The following FHIT variants were observed in gnomAD, a reference collection of about 807,000 sequenced individuals.
The protein encoded by FHIT is bis(5'-adenosyl)-triphosphatase.
In FHIT, 19 loss-of-function variants were observed where a neutral mutation model predicts 17.9. The observed-to-expected ratio is 1.06, with a 90% confidence interval of 0.74 to 1.56. FHIT has a LOEUF of 1.56. FHIT is among the 40% of genes most tolerant of loss of function. The pLI is 0.00. For synonymous variants in FHIT, 81 were observed against 69.7 expected (o/e 1.16, Z -0.81); for missense variants, 248 against 189.2 (o/e 1.31, Z -1.82).
chr3:60,240,554 A>C (rs764610603), intron 5 of FHIT, among the ~76,000 whole-genome samples: 1 of 152,214 alleles, frequency 6.6e-6, no homozygotes, highest in African/African-American at 2.4e-5. Context: ...AAGCACAAAT[A>C]AACTGTCTCA....
At chr3:60,842,645 A>ATATATATTTTT (rs1396703397) in intron 3 of FHIT, among the ~76,000 whole-genome samples, 1 of 94,600 alleles carries the variant, frequency 1.1e-5, no homozygotes, top group African/African-American at 4.1e-5. Flanking sequence ...ATATATATAT[A>ATATATATTTTT]TTTTTTTTTT....
At chr3:60,056,919 G>A (rs77961876) in intron 5 of FHIT, among the ~76,000 whole-genome samples, 1,605 of 152,208 alleles carry the variant, frequency 0.011, 61 homozygotes, top group East Asian at 0.072. Context: ...CAGATGGAGC[G>A]GTAATGGTCC....
intron 5 of FHIT, among the ~76,000 whole-genome samples, chr3:60,251,249 G>T (rs213394): frequency 0.31 from 46,534 of 151,998 alleles, 8,499 homozygotes; most frequent in African/African-American, 0.51. Context: ...GTATCATATA[G>T]TCCCAAAAGA....
At chr3:60,698,664 A>G (rs1479651727) in intron 4 of FHIT, among the ~76,000 whole-genome samples, 1 of 152,162 alleles carries the variant, frequency 6.6e-6, no homozygotes, top group Non-Finnish European at 1.5e-5. Context: ...TATTAAGACT[A>G]TTAATAGTAA....
At chr3:61,168,344 T>C (rs534222284) in intron 2 of FHIT, among the ~76,000 whole-genome samples, 2 of 152,126 alleles carry the variant, frequency 1.3e-5, no homozygotes, top group African/African-American at 2.4e-5. Flanking sequence ...AAAGGATCCA[T>C]AGAAATAAAA....
chr3:60,246,580 C>A (rs1002398893), intron 5 of FHIT, among the ~76,000 whole-genome samples: 3 of 152,106 alleles, frequency 2.0e-5, no homozygotes, highest in Non-Finnish European at 2.9e-5. Flanking sequence ...CCAAAAAACA[C>A]AGATCCGACC....
At chr3:60,516,816 A>G (rs2035177422) in intron 5 of FHIT, among the ~76,000 whole-genome samples, 3 of 152,334 alleles carry the variant, frequency 2.0e-5, no homozygotes, top group Admixed American at 2.0e-4. Context: ...AGCTGAGACA[A>G]TGACAGGGAT....
At chr3:60,681,336 G>A (rs1415282092) in intron 4 of FHIT, among the ~76,000 whole-genome samples, 1 of 152,116 alleles carries the variant, frequency 6.6e-6, no homozygotes, top group African/African-American at 2.4e-5. Flanking sequence ...AAATGTTTGT[G>A]TGTTCTGACT....
At chr3:60,460,683 C>T (rs975725853) in intron 5 of FHIT, among the ~76,000 whole-genome samples, 1 of 152,148 alleles carries the variant, frequency 6.6e-6, no homozygotes, top group African/African-American at 2.4e-5. Context: ...ACATGTATCA[C>T]CCCACATGTG....
chr3:60,203,107 A>C (rs1702990551), intron 5 of FHIT, among the ~76,000 whole-genome samples: 1 of 152,160 alleles, frequency 6.6e-6, no homozygotes. Context: ...TTAATTTTCT[A>C]GTTCTTACAT....
At chr3:61,187,359 T>C (rs1436584691) in intron 2 of FHIT, among the ~76,000 whole-genome samples, 1 of 152,254 alleles carries the variant, frequency 6.6e-6, no homozygotes, top group East Asian at 1.9e-4. Flanking sequence ...GGTAAAGGGA[T>C]GAATTCAACA....
At chr3:60,780,225 T>A (rs1258130749) in intron 4 of FHIT, among the ~76,000 whole-genome samples, 1 of 152,154 alleles carries the variant, frequency 6.6e-6, no homozygotes, top group Non-Finnish European at 1.5e-5. Flanking sequence ...AAAAGGCACC[T>A]TCTTTTTGCC....
At chr3:59,806,663 CAT>C (rs141582270) in intron 8 of FHIT, among the ~76,000 whole-genome samples, 1 of 21,152 alleles carries the variant, frequency 4.7e-5, no homozygotes, top group Admixed American at 6.6e-4. Context: ...TATATGTATA[CAT>C]ATATATGTGT....
chr3:59,792,205 GC>G (rs1699594333), intron 8 of FHIT, among the ~76,000 whole-genome samples: 1 of 152,124 alleles, frequency 6.6e-6, no homozygotes, highest in African/African-American at 2.4e-5. Context: ...AGGGTTTTGG[GC>G]CTCAGAACAG....
intron 5 of FHIT, among the ~76,000 whole-genome samples, chr3:60,281,129 G>A (rs1398808282): frequency 1.8e-5 from 1 of 56,282 alleles, no homozygotes; most frequent in African/African-American, 7.0e-5. Flanking sequence ...ACACATAGAT[G>A]TAAAAATCTA....
intron 2 of FHIT, among the ~76,000 whole-genome samples, chr3:61,136,110 G>A (rs536266287): frequency 2.5e-3 from 381 of 152,088 alleles, no homozygotes; most frequent in Non-Finnish European, 3.6e-3. Flanking sequence ...CAACATCCAC[G>A]GAGGACCAGG....
At chr3:60,204,468 T>G (rs1397129714) in intron 5 of FHIT, among the ~76,000 whole-genome samples, 1 of 151,204 alleles carries the variant, frequency 6.6e-6, no homozygotes, top group Non-Finnish European at 1.5e-5. Context: ...GTTTTGTTTT[T>G]TTAGTAGAGA....
chr3:59,935,983 C>A (rs770703158), intron 7 of FHIT, among the ~76,000 whole-genome samples: 3 of 152,026 alleles, frequency 2.0e-5, no homozygotes, highest in African/African-American at 7.2e-5. Context: ...ATCTTTTTAC[C>A]AAAATGTAAG....
chr3:60,308,752 T>C (rs1708803972), intron 5 of FHIT, among the ~76,000 whole-genome samples: 1 of 152,126 alleles, frequency 6.6e-6, no homozygotes. Flanking sequence ...CTAAATGTCA[T>C]CTATCACATC....
Sources: gnomAD v4.1 joint callset for allele counts (sites outside exome capture counted in the v4.1 genomes callset) on GRCh38, gnomAD v4.1.1 for gene constraint, MANE v1.5 for transcripts, NCBI Gene and HGNC (gene_info 2026-07-23, HGNC 2026-07-21) for gene names.